ESRRB: variants seen among roughly 807,000 people sequenced by gnomAD.
The protein encoded by ESRRB is steroid hormone receptor ERR2.
Under a neutral mutation model 46.0 loss-of-function variants are expected in ESRRB, and 16 were observed. That is an observed-to-expected ratio of 0.35 (90% CI 0.24 to 0.53). The LOEUF (loss-of-function observed/expected upper bound fraction) is 0.53, where lower values mean the gene tolerates loss of function less well. Among genes scored for constraint, ESRRB ranks in the 20% least tolerant of loss-of-function variants. The pLI, the probability that ESRRB is intolerant of heterozygous loss-of-function variation, is 0.93. For synonymous variants in ESRRB, 246 were observed against 259.6 expected (o/e 0.95, Z 0.50); for missense variants, 488 against 607.4 (o/e 0.80, Z 2.07).
intron 1 of ESRRB, among the ~76,000 whole-genome samples, chr14:76,438,875 A>G (rs1887784349): frequency 6.6e-6 from 1 of 151,994 alleles, no homozygotes; most frequent in Non-Finnish European, 1.5e-5. Context: ...ATCATAGCTC[A>G]CTACAGCCTT....
intron 5 of ESRRB, among the ~76,000 whole-genome samples, chr14:76,485,891 T>C (rs937682063): frequency 2.6e-5 from 4 of 152,178 alleles, no homozygotes; most frequent in African/African-American, 9.7e-5. Flanking sequence ...TGCATGCACA[T>C]ATTGAGAAGT....
At chr14:76,387,878 T>C (rs1885303775) in intron 1 of ESRRB, among the ~76,000 whole-genome samples, 1 of 152,250 alleles carries the variant, frequency 6.6e-6, no homozygotes, top group African/African-American at 2.4e-5. Context: ...ATTGTAATAG[T>C]AATAGTTGTA....
At position 76,418,821 on chromosome 14, in the gene ESRRB, G is replaced by T. The variant is rs191813346; in HGVS notation, c.51-20520G>T. ...AGTAGAAACAGTGTTTTGCCATGTT[G>T]GCCAGGCTGGTCTCAAACTCCTGGC... On this transcript the variant is annotated intron_variant, in intron 1 of 6. Transcript: ENST00000644823. Among the ~76,000 whole-genome samples the T allele has an allele frequency of 9.2e-5, 14 of 152,188 alleles. No homozygotes were observed. In the East Asian group the frequency reaches 2.5e-3, roughly 27 times the overall value.
chr14:76,479,047 A>G lies in ESRRB; in HGVS notation c.578-2969A>G, dbSNP rs565466181. ...GGATGCCTTAGTGCAGTGCTCCTCA[A>G]ACTCTGTTGTCCGTGCAAATCACCT... is the stretch of plus-strand genomic sequence containing the variant. On this transcript the variant is annotated intron_variant, in intron 3 of 6. Transcript: ENST00000644823. Among the ~76,000 whole-genome samples the G allele has an allele frequency of 2.0e-5, 3 of 152,172 alleles. No homozygotes were observed. The East Asian group carries it at 5.8e-4, about 29-fold the overall frequency.
At chr14:76,363,456 A>T (rs776797381) in intron 1 of ESRRB, among the ~76,000 whole-genome samples, 7 of 152,160 alleles carry the variant, frequency 4.6e-5, no homozygotes, top group Non-Finnish European at 7.3e-5. Context: ...GCTGCCCTTC[A>T]TCTTCTCCAT....
At chr14:76,447,243 C>CTCCTTCCTTCCTTCCTTCCT (rs11272399) in intron 2 of ESRRB, among the ~76,000 whole-genome samples, 21 of 133,374 alleles carry the variant, frequency 1.6e-4, no homozygotes, top group Non-Finnish European at 2.6e-4. Flanking sequence ...TTTCTAAAGT[C>CTCCTTCCTTCCTTCCTTCCT]TCCTTCCTTC....
chr14:76,466,425 CTCT>C (rs1889112809), intron 3 of ESRRB, among the ~76,000 whole-genome samples: 1 of 152,152 alleles, frequency 6.6e-6, no homozygotes, highest in African/African-American at 2.4e-5. Context: ...CTCTCCCTCT[CTCT>C]TAAGACTGTG....
intron 2 of ESRRB, among the ~76,000 whole-genome samples, chr14:76,442,537 T>C (rs1050947624): frequency 6.6e-6 from 1 of 152,162 alleles, no homozygotes; most frequent in Non-Finnish European, 1.5e-5. Context: ...TCCTACCTTA[T>C]AGAGCTGTTA....
chr14:76,430,015 CCTTT>C, intron 1 of ESRRB, among the ~76,000 whole-genome samples: 1 of 152,174 alleles, frequency 6.6e-6, no homozygotes, highest in Non-Finnish European at 1.5e-5. Flanking sequence ...TCCCTTCCTT[CCTTT>C]CTTCCTTCCC....
chr14:76,329,670 G>A (rs1178864311), intron 1 of ESRRB, among the ~76,000 whole-genome samples: 1 of 152,082 alleles, frequency 6.6e-6, no homozygotes, highest in Non-Finnish European at 1.5e-5. Flanking sequence ...CACCCTTGTG[G>A]GCACACACAG....
chr14:76,413,917 C>T (rs1387606753), intron 1 of ESRRB, among the ~76,000 whole-genome samples: 2 of 95,032 alleles, frequency 2.1e-5, no homozygotes, highest in Non-Finnish European at 4.3e-5. Context: ...TGCACCGTCT[C>T]CCGCCCCTGC....
At chr14:76,399,492 G>A (rs906348541) in intron 1 of ESRRB, among the ~76,000 whole-genome samples, 5 of 152,174 alleles carry the variant, frequency 3.3e-5, no homozygotes, top group African/African-American at 1.2e-4. Context: ...TATGCCCTCA[G>A]AGCCCACATC....
intron 1 of ESRRB, among the ~76,000 whole-genome samples, chr14:76,398,204 A>T (rs1885780065): frequency 6.6e-6 from 1 of 152,200 alleles, no homozygotes. Context: ...TGAATTTCAC[A>T]ACTGTCCTGC....
chr14:76,446,775 G>A (rs1366432862), intron 2 of ESRRB, among the ~76,000 whole-genome samples: 1 of 152,192 alleles, frequency 6.6e-6, no homozygotes, highest in African/African-American at 2.4e-5. Context: ...CTCCTTGTAT[G>A]TGTGCTCTCT....
intron 1 of ESRRB, among the ~76,000 whole-genome samples, chr14:76,334,832 G>A (rs576579573): frequency 5.4e-4 from 82 of 152,346 alleles, no homozygotes; most frequent in African/African-American, 1.9e-3. Context: ...GCTAGGGCTG[G>A]TAGAAACTGG....
At chr14:76,407,827 C>G (rs962238190) in intron 1 of ESRRB, among the ~76,000 whole-genome samples, 2 of 152,236 alleles carry the variant, frequency 1.3e-5, no homozygotes, top group Non-Finnish European at 2.9e-5. Context: ...TGGAGGGAGG[C>G]AGCTAGCTTG....
intron 1 of ESRRB, among the ~76,000 whole-genome samples, chr14:76,381,484 G>A (rs972253596): frequency 2.1e-4 from 32 of 152,168 alleles, no homozygotes; most frequent in African/African-American, 7.5e-4. Context: ...CCAGGGCACT[G>A]GGCTAGTGAC....
intron 1 of ESRRB, among the ~76,000 whole-genome samples, chr14:76,321,230 A>G (rs1883863127): frequency 6.6e-6 from 1 of 152,080 alleles, no homozygotes; most frequent in South Asian, 2.1e-4. Flanking sequence ...TATATATTGA[A>G]CCCTTGATCT....
intron 1 of ESRRB, among the ~76,000 whole-genome samples, chr14:76,406,548 A>T (rs925942117): frequency 6.6e-6 from 1 of 152,288 alleles, no homozygotes. Context: ...GTTAGAGACC[A>T]GCCTAGACAA....
Sources: gnomAD v4.1 joint callset for allele counts (sites outside exome capture counted in the v4.1 genomes callset) on GRCh38, gnomAD v4.1.1 for gene constraint, MANE v1.5 for transcripts, NCBI Gene and HGNC (gene_info 2026-07-23, HGNC 2026-07-21) for gene names.